IL1RAPL2: variants seen among roughly 807,000 people sequenced by gnomAD.
IL1RAPL2 encodes the protein interleukin 1 receptor accessory protein like 2.
IL1RAPL2 carries 3 observed loss-of-function variants against 44.1 expected under a neutral mutation model. That is an observed-to-expected ratio of 0.07 (90% CI 0.03 to 0.18). IL1RAPL2 has a LOEUF of 0.18. IL1RAPL2 is among the 10% of genes least tolerant of loss of function. IL1RAPL2 has a pLI of 1.00. For missense variants in IL1RAPL2, 391 were observed against 496.4 expected (o/e 0.79, Z 2.02); for synonymous variants, 181 against 178.8 (o/e 1.01, Z -0.10).
chrX:104,692,480 T>C (rs1279018266), intron 2 of IL1RAPL2, among the ~76,000 whole-genome samples: 1 of 109,636 alleles, frequency 9.1e-6, no homozygotes, highest in Non-Finnish European at 1.9e-5. Flanking sequence ...TAGGTATATC[T>C]CCTAATGCTA....
At chrX:105,012,410 C>A (rs1336869581) in intron 2 of IL1RAPL2, among the ~76,000 whole-genome samples, 1 of 110,495 alleles carries the variant, frequency 9.1e-6, no homozygotes, top group Non-Finnish European at 1.9e-5. Flanking sequence ...ACAGCAAAGA[C>A]ATCAGGGCTT....
At position 104,956,502 on chromosome X, in the gene IL1RAPL2, G is replaced by A. The variant is rs781071983; in HGVS notation, c.83-238973G>A. On this transcript the variant is annotated intron_variant, in intron 2 of 10. Transcript: ENST00000372582. ...TGTGTGTGTGTGTGTGTGTTATGCCGGGCGTGGTGGCGCATATCTCAGCTA... is the reference window on the plus strand; with the variant it reads ...TGTGTGTGTGTGTGTGTGTTATGCCAGGCGTGGTGGCGCATATCTCAGCTA... Among the ~76,000 whole-genome samples the A allele has an allele frequency of 7.3e-5, 8 of 109,744 alleles. No homozygotes were observed. The East Asian group carries it at 1.4e-3, about 20-fold the overall frequency.
intron 2 of IL1RAPL2, among the ~76,000 whole-genome samples, chrX:104,888,130 G>A (rs957293321): frequency 8.1e-5 from 9 of 110,435 alleles, no homozygotes; most frequent in African/African-American, 1.7e-4. Flanking sequence ...GTCTTACACC[G>A]CCAAAGCCAT....
intron 5 of IL1RAPL2, among the ~76,000 whole-genome samples, chrX:105,354,200 C>G (rs1421280088): frequency 4.6e-5 from 5 of 109,686 alleles, no homozygotes; most frequent in South Asian, 3.9e-4. Context: ...GACACATGCA[C>G]ACGTATGTTT....
chrX:105,305,385 C>T (rs938024140), intron 5 of IL1RAPL2, among the ~76,000 whole-genome samples: 1 of 111,607 alleles, frequency 9.0e-6, no homozygotes, highest in Admixed American at 9.5e-5. Context: ...TTTCAATATA[C>T]TTTATGCCTT....
chrX:104,970,623 A>G (rs2030214554), intron 2 of IL1RAPL2, among the ~76,000 whole-genome samples: 1 of 112,112 alleles, frequency 8.9e-6, no homozygotes, highest in Non-Finnish European at 1.9e-5. Context: ...TGCCATGGTA[A>G]TGGTAAACTG....
Position 104,855,681 on chromosome X carries a change from G to GTGTTTTTTT in IL1RAPL2, c.82+196687_82+196688insGTTTTTTTT. ...TTAACTGTGCTAAGGATCTGGATCC[G>GTGTTTTTTT]TTTTTTTTTTTTTTTTTACTGTATC... On this transcript the variant is annotated intron_variant, in intron 2 of 10. Transcript: ENST00000372582. Among the ~76,000 whole-genome samples the GTGTTTTTTT allele has an allele frequency of 1.4e-3, 74 of 53,845 alleles. 15 individuals carry two copies. Among genetic ancestry groups the GTGTTTTTTT allele is most frequent in the Non-Finnish European group, 2.3e-3 (57 of 24,610 alleles). 46.8% of individuals were successfully genotyped at this position (53,845 alleles called of 115,157 possible).
chrX:104,892,277 C>T (rs1232275798), intron 2 of IL1RAPL2, among the ~76,000 whole-genome samples: 1 of 111,625 alleles, frequency 9.0e-6, no homozygotes. Flanking sequence ...GTGTCTCTGT[C>T]AGGCTTTGGT....
At chrX:105,669,065 A>G (rs939806396) in intron 6 of IL1RAPL2, among the ~76,000 whole-genome samples, 1 of 111,594 alleles carries the variant, frequency 9.0e-6, no homozygotes, top group Non-Finnish European at 1.9e-5. Context: ...ATTATCTAAC[A>G]TTATTTTAAT....
chrX:104,992,611 T>C (rs958712049), intron 2 of IL1RAPL2, among the ~76,000 whole-genome samples: 4 of 111,137 alleles, frequency 3.6e-5, no homozygotes, highest in African/African-American at 1.3e-4. Flanking sequence ...CTGGCCGTTA[T>C]GGCTCTGTCA....
intron 2 of IL1RAPL2, among the ~76,000 whole-genome samples, chrX:104,839,099 T>A (rs1921831228): frequency 9.1e-6 from 1 of 109,719 alleles, no homozygotes; most frequent in Non-Finnish European, 1.9e-5. Context: ...TCCACCTGCC[T>A]CAGCCTCCCA....
chrX:105,179,598 G>A (rs782330397), intron 2 of IL1RAPL2, among the ~76,000 whole-genome samples: 2 of 111,570 alleles, frequency 1.8e-5, no homozygotes, highest in South Asian at 3.7e-4. Context: ...TTATTTTAAC[G>A]ATATTAATTC....
chrX:105,101,764 T>C (rs761531981), intron 2 of IL1RAPL2, among the ~76,000 whole-genome samples: 3 of 111,935 alleles, frequency 2.7e-5, no homozygotes, highest in Non-Finnish European at 5.6e-5. Flanking sequence ...CTCTGAGAAC[T>C]CTACAATCAG....
At chrX:104,756,609 A>G (rs779617590) in intron 2 of IL1RAPL2, among the ~76,000 whole-genome samples, 1 of 111,044 alleles carries the variant, frequency 9.0e-6, no homozygotes, top group African/African-American at 3.3e-5. Context: ...TGGAAAAAAA[A>G]TTCTGCCCTC....
chrX:105,643,939 T>G (rs1181245924), intron 6 of IL1RAPL2, among the ~76,000 whole-genome samples: 1 of 111,718 alleles, frequency 9.0e-6, no homozygotes, highest in Non-Finnish European at 1.9e-5. Context: ...TCCCTCAGGC[T>G]GGAGTGCAGT....
At chrX:104,964,706 G>A (rs967708238) in intron 2 of IL1RAPL2, among the ~76,000 whole-genome samples, 1 of 111,647 alleles carries the variant, frequency 9.0e-6, no homozygotes, top group African/African-American at 3.3e-5. Flanking sequence ...ATGATTTACA[G>A]ATACTAGTTG....
At chrX:105,137,281 A>G (rs1199692794) in intron 2 of IL1RAPL2, among the ~76,000 whole-genome samples, 1 of 112,426 alleles carries the variant, frequency 8.9e-6, no homozygotes, top group East Asian at 2.8e-4. Flanking sequence ...CTCAGTAGTC[A>G]CATCTAACAT....
intron 2 of IL1RAPL2, among the ~76,000 whole-genome samples, chrX:104,710,496 A>T (rs1054824223): frequency 1.8e-5 from 2 of 111,109 alleles, no homozygotes; most frequent in African/African-American, 6.5e-5. Context: ...GAAAATGCTT[A>T]ATGGCTATGG....
chrX:105,467,456 A>G (rs760520424), intron 5 of IL1RAPL2, among the ~76,000 whole-genome samples: 33 of 111,650 alleles, frequency 3.0e-4, no homozygotes, highest in Non-Finnish European at 4.9e-4. Flanking sequence ...AAAGAATACC[A>G]TATTCCAACA....
Sources: gnomAD v4.1 joint callset for allele counts (sites outside exome capture counted in the v4.1 genomes callset) on GRCh38, gnomAD v4.1.1 for gene constraint, MANE v1.5 for transcripts, NCBI Gene and HGNC (gene_info 2026-07-23, HGNC 2026-07-21) for gene names.